Variants in TMEM131 observed in about 807,000 individuals in gnomAD.
TMEM131 encodes 2610524E03Rik.
A neutral mutation model predicts 211.6 loss-of-function variants in TMEM131; 66 were observed. That is an observed-to-expected ratio of 0.31 (90% CI 0.26 to 0.38). TMEM131 has a LOEUF of 0.38. Among genes scored for constraint, TMEM131 ranks in the 10% least tolerant of loss-of-function variants. TMEM131 has a pLI of 1.00. For missense variants in TMEM131, 2,036 were observed against 2,299.3 expected, an observed-to-expected ratio of 0.89 and a Z score of 2.34; for synonymous variants, 844 against 841.3, an observed-to-expected ratio of 1.00 and a Z score of -0.06.
rs1378703593 is a variant in TMEM131, at chr2:97,794,962, C to T, written c.3354G>A (p.Leu1118=). The T allele has an allele frequency of 1.9e-6, 3 of 1,603,878 alleles. No individual in the cohort carries two copies. Among genetic ancestry groups the T allele is most frequent in the African/African-American group, 2.7e-5 (2 of 74,778 alleles). The part of the protein sequence containing the change: ...AEALPRPNWE[L]ALYIIISGIM... ...TTCCTGAGATGATGATATACAGAGC[C>T]AGTTCCCAGTTAGGTCTGGGTAGGG... Residue 1118 remains leucine, a synonymous_variant, in exon 29 of 41, where the codon CTG becomes CTA. Coordinates refer to ENST00000186436, the MANE Select transcript of TMEM131 (RefSeq NM_015348.2).
rs533543085 is a variant in TMEM131, at chr2:97,851,672, G to C, written c.484-7411C>G. Among the ~76,000 whole-genome samples the C allele has an allele frequency of 2.2e-3, 339 of 152,218 alleles. 1 individual carries two copies. The highest frequency in any genetic ancestry group is 8.0e-3 in the African/African-American group (331 of 41,518). On this transcript the variant is annotated intron_variant, in intron 5 of 40. Transcript: ENST00000186436. The stretch of plus-strand genomic sequence containing the variant: ...TATTATTATATCTGCATGGTGATCT[G>C]TGATCTTTGATGTTGCTACTGAAAT...
At position 97,995,503 on chromosome 2, in the gene TMEM131, C is replaced by T; in HGVS notation, c.160G>A (p.Val54Met). The T allele has an allele frequency of 2.8e-6, 4 of 1,414,250 alleles. No individual in the cohort carries two copies. The South Asian group carries it at 4.4e-5, about 16-fold the overall frequency. The allele number at this position is 1,414,250 out of a possible 1,614,324, so 87.6% of individuals were successfully genotyped here. A position where few individuals can be genotyped will look rare whatever the true frequency, so the allele number is the denominator to read the frequency against. ...TCCTTCTCGGCCCGCGCCGCAGCCACTACGAGGGTCATCACCAGGTGCAGC... is the reference window on the plus strand; with the variant it reads ...TCCTTCTCGGCCCGCGCCGCAGCCATTACGAGGGTCATCACCAGGTGCAGC... ...GALHLVMTLV[V>M]AAARAEKEAF... Residue 54 changes from valine (V) to methionine (M), a missense_variant, in exon 1 of 41, where the codon GTG becomes ATG. Coordinates refer to ENST00000186436, the MANE Select transcript of TMEM131 (RefSeq NM_015348.2).
At position 97,808,166 on chromosome 2, in the gene TMEM131, G is replaced by C. The variant is rs145930166; in HGVS notation, c.2055+1522C>G. ...TTTATACAACATTTAAAATAATTTT[G>C]TGCATGAAGCAAAGTTTTGACTGGA... On this transcript the variant is annotated intron_variant, in intron 19 of 40. Transcript: ENST00000186436. Among the ~76,000 whole-genome samples the C allele has an allele frequency of 3.7e-3, 569 of 152,138 alleles. 1 individual carries two copies. Among genetic ancestry groups the C allele is most frequent in the Non-Finnish European group, 6.1e-3 (418 of 68,002 alleles).
At chr2:97,981,389 G>A (rs908187632) in intron 1 of TMEM131, among the ~76,000 whole-genome samples, 1 of 152,094 alleles carries the variant, frequency 6.6e-6, no homozygotes, top group Non-Finnish European at 1.5e-5. Context: ...ATGTAATTTT[G>A]TTAGACACTG....
intron 4 of TMEM131, among the ~76,000 whole-genome samples, chr2:97,870,276 G>A (rs1674438937): frequency 6.6e-6 from 1 of 152,096 alleles, no homozygotes; most frequent in African/African-American, 2.4e-5. Flanking sequence ...GTACATTAGA[G>A]GCCAGAAATT....
chr2:97,789,077 CCA>C (rs1348226624), intron 31 of TMEM131, among the ~76,000 whole-genome samples: 1 of 152,200 alleles, frequency 6.6e-6, no homozygotes, highest in Admixed American at 6.5e-5. Context: ...TTACTCTAAG[CCA>C]CAGTGACTTG....
chr2:97,965,321 C>G (rs1303467684), intron 1 of TMEM131, among the ~76,000 whole-genome samples: 1 of 152,192 alleles, frequency 6.6e-6, no homozygotes, highest in Non-Finnish European at 1.5e-5. Flanking sequence ...CCCATCTACC[C>G]TAAGAACAAA....
intron 31 of TMEM131, among the ~76,000 whole-genome samples, chr2:97,788,035 G>C (rs1200554372): frequency 6.6e-6 from 1 of 152,080 alleles, no homozygotes; most frequent in Non-Finnish European, 1.5e-5. Flanking sequence ...TCCCCAAGTT[G>C]CTAATTCGAC....
rs1559345201 is a variant in TMEM131, at chr2:97,766,246, C to T, written c.4591G>A (p.Asp1531Asn). The change falls in exon 35 of 41, where the codon GAT (aspartate) becomes AAT (asparagine). Residue 1531 changes from aspartate to asparagine, a missense_variant. Around this residue, in one of 3 missense-constraint regions of TMEM131, gnomAD observed 1,623 missense variants for 1,805.9 expected, o/e 0.90. Transcript: ENST00000186436. ...TTTGCTAGGGCAGGTGGTCTGTTAT[C>T]CACTAACTTACTTGTACCTGCACAA... The part of the protein sequence containing the change: ...QKTKGTSKLV[D>N]NRPPALAKFL... 2.5e-6 allele frequency: 4 copies of T among 1,614,010 alleles called. 1 individual carries two copies. The highest frequency in any genetic ancestry group is 3.3e-4 in the Middle Eastern group (2 of 6,062).
intron 5 of TMEM131, among the ~76,000 whole-genome samples, chr2:97,853,972 G>A (rs1673737225): frequency 6.6e-6 from 1 of 152,174 alleles, no homozygotes; most frequent in African/African-American, 2.4e-5. Flanking sequence ...TTAGAGGCAG[G>A]GTTTGAAAGG....
intron 1 of TMEM131, among the ~76,000 whole-genome samples, chr2:97,976,716 C>T (rs562825500): frequency 2.0e-5 from 3 of 152,114 alleles, no homozygotes; most frequent in Middle Eastern, 3.4e-3. Context: ...TGAAACAGAA[C>T]AAAGTTGGTG....
At chr2:97,979,785 G>A (rs933123820) in intron 1 of TMEM131, among the ~76,000 whole-genome samples, 4 of 152,202 alleles carry the variant, frequency 2.6e-5, no homozygotes, top group Non-Finnish European at 4.4e-5. Flanking sequence ...GTTCACCAGA[G>A]TAGCACTTTT....
chr2:97,968,625 G>C (rs1303453927), intron 1 of TMEM131, among the ~76,000 whole-genome samples: 1 of 152,178 alleles, frequency 6.6e-6, no homozygotes, highest in Non-Finnish European at 1.5e-5. Flanking sequence ...CATGTTTGTA[G>C]GGAAGCCTGC....
At chr2:97,938,371 TTGC>T (rs1234573630) in intron 1 of TMEM131, among the ~76,000 whole-genome samples, 1 of 151,874 alleles carries the variant, frequency 6.6e-6, no homozygotes, top group African/African-American at 2.4e-5. Flanking sequence ...AAAGCAGGGG[TTGC>T]AATCCTAGTC....
chr2:97,945,652 C>A (rs745674910), intron 1 of TMEM131, among the ~76,000 whole-genome samples: 1 of 151,860 alleles, frequency 6.6e-6, no homozygotes, highest in South Asian at 2.1e-4. Context: ...AGATTGTGCA[C>A]GGGGAGGAGA....
intron 5 of TMEM131, among the ~76,000 whole-genome samples, chr2:97,848,189 G>A (rs1455970761): frequency 6.6e-6 from 1 of 152,146 alleles, no homozygotes; most frequent in African/African-American, 2.4e-5. Flanking sequence ...AAAGTACAGT[G>A]GGATTTCAAT....
At chr2:97,877,930 T>C (rs987519219) in intron 4 of TMEM131, among the ~76,000 whole-genome samples, 12 of 152,168 alleles carry the variant, frequency 7.9e-5, no homozygotes, top group Admixed American at 1.3e-4. Context: ...GCCTACAGAA[T>C]GGGAGAAAAG....
chr2:97,838,836 T>C (rs1027281988), intron 7 of TMEM131, among the ~76,000 whole-genome samples: 2 of 152,190 alleles, frequency 1.3e-5, no homozygotes, highest in Non-Finnish European at 2.9e-5. Context: ...TGATAAGCTA[T>C]AGATTTTCTT....
chr2:97,867,295 TTAC>T (rs1420045717), intron 4 of TMEM131, among the ~76,000 whole-genome samples: 2 of 152,244 alleles, frequency 1.3e-5, no homozygotes, highest in Non-Finnish European at 2.9e-5. Context: ...ACTGTCATTA[TTAC>T]TGTCGCATTG....
Sources: allele counts gnomAD v4.1 joint callset (sites outside exome capture counted in the v4.1 genomes callset), GRCh38; gene constraint gnomAD v4.1.1; regional missense constraint gnomAD v4.1.1; transcripts MANE v1.5; gene names NCBI Gene and HGNC (gene_info 2026-07-23, HGNC 2026-07-21).